The following RC3H2 variants were observed in gnomAD, a reference collection of about 807,000 sequenced individuals.
RC3H2 encodes the protein ring finger and CCCH-type domains 2, also known as roquin-2.
In RC3H2, 31 loss-of-function variants were observed where a neutral mutation model predicts 133.3. That is an observed-to-expected ratio of 0.23 (90% CI 0.17 to 0.31). The LOEUF is 0.31. Ranked by LOEUF, RC3H2 falls within the 10% of genes least tolerant of loss-of-function variation. RC3H2 has a pLI of 1.00. For missense variants in RC3H2, 1,175 were observed against 1,437.2 expected (o/e 0.82, Z 2.95); for synonymous variants, 517 against 502.2 (o/e 1.03, Z -0.40).
Position 122,857,899 on chromosome 9 carries a change from TTAAG to T in RC3H2, c.2454+20_2454+23del, listed in dbSNP as rs1314704798. 5.6e-6 allele frequency: 9 copies of T among 1,602,944 alleles called. No individual in the cohort carries two copies. The highest frequency in any genetic ancestry group is 7.7e-6 in the Non-Finnish European group (9 of 1,171,726). ...AGCTGTTTGACCTATCCCTGCAACA[TTAAG>T]TAATTAAAACCTTTCTTACATCCGC... On this transcript the variant is annotated intron_variant, in intron 13 of 20. Transcript: ENST00000357244.
intron 9 of RC3H2, among the ~76,000 whole-genome samples, chr9:122,867,035 A>G (rs192551929): frequency 2.7e-5 from 3 of 109,148 alleles, no homozygotes; most frequent in East Asian, 2.5e-4. Flanking sequence ...GGATGTGAGG[A>G]GCGCCTCTGC....
At chr9:122,857,243 T>C (rs1211716735) in intron 13 of RC3H2, among the ~76,000 whole-genome samples, 9 of 152,200 alleles carry the variant, frequency 5.9e-5, no homozygotes, top group African/African-American at 1.9e-4. Context: ...TCAGAACTTC[T>C]GGGGATGGGG....
intron 10 of RC3H2, 64 bp downstream of exon 10, chr9:122,865,282 TAAA>T: frequency 7.3e-7 from 1 of 1,372,918 alleles, no homozygotes; most frequent in East Asian, 2.3e-5. Context: ...TCAGCAGAAA[TAAA>T]AACACTCAGG....
In RC3H2 at chr9:122,869,031, A is replaced by G. The variant is rs868754231; in HGVS notation, c.1326-3374T>C. ...ATTCTTCTGCCTCAGCCTCCCAAGT[A>G]GCTGGGATTACAGGCACGTGCCTGC... On this transcript the variant is annotated intron_variant, in intron 9 of 20. Transcript: ENST00000357244. 2.6e-5 allele frequency among the ~76,000 whole-genome samples: 4 copies of G among 151,154 alleles called. No individual in the cohort carries two copies. In the Middle Eastern group the frequency reaches 0.01, roughly 391 times the overall value.
In RC3H2 at chr9:122,898,780, G is replaced by C. The variant is rs533904152; in HGVS notation, c.-67-1204C>G. ...AAAAAAAAAAAGTTCCATAAGTTTA[G>C]TAAAGTAAAAGATTTAGTAGCAAAA... On this transcript the variant is annotated intron_variant, in intron 1 of 20. Transcript: ENST00000357244. 3.4e-5 allele frequency among the ~76,000 whole-genome samples: 5 copies of C among 146,664 alleles called. No homozygotes were observed. In the East Asian group the frequency reaches 8.0e-4, roughly 24 times the overall value.
chr9:122,888,890 T>C (rs1443602510), intron 4 of RC3H2, among the ~76,000 whole-genome samples: 1 of 152,072 alleles, frequency 6.6e-6, no homozygotes, highest in Non-Finnish European at 1.5e-5. Flanking sequence ...TTTTCAGATG[T>C]TGCCAAATTC....
chr9:122,851,283 A>G, intron 19 of RC3H2, 40 bp downstream of exon 19: 1 of 1,612,092 alleles, frequency 6.2e-7, no homozygotes, highest in East Asian at 2.2e-5. Context: ...TAAATTTTCA[A>G]TCAAACAAAG....
chr9:122,887,767 T>TG (rs1346973465), intron 4 of RC3H2, among the ~76,000 whole-genome samples: 3 of 142,086 alleles, frequency 2.1e-5, no homozygotes, highest in Non-Finnish European at 3.0e-5. Flanking sequence ...TTTTTTGAGA[T>TG]GGAGTTTTGC....
At chr9:122,899,468 G>A (rs538242111) in intron 1 of RC3H2, among the ~76,000 whole-genome samples, 1 of 152,058 alleles carries the variant, frequency 6.6e-6, no homozygotes, top group East Asian at 1.9e-4. Context: ...TATGTAAAAA[G>A]CACCCCTATA....
Position 122,858,609 on chromosome 9 carries a change from G to A in RC3H2, c.2283+60C>T, listed in dbSNP as rs1252477549. 5 of 1,399,752 alleles carry A rather than the reference G, an allele frequency of 3.6e-6. No homozygotes were observed. The African/African-American group carries it at 5.7e-5, about 16-fold the overall frequency. 86.7% of individuals were successfully genotyped at this position (1,399,752 alleles called of 1,614,324 possible). ...TGGAGGAGCCAGGATATATACCTGG[G>A]TGGTTTGACTCCAGACACTGGGCTG... On this transcript the variant is annotated intron_variant, in intron 12 of 20. Transcript: ENST00000357244.
rs112010654 is a variant in RC3H2 at position 122,887,741 on chromosome 9, C to CTT, written c.583+2569_583+2570dup. ...TAAATCTTTGATTTTATACTTGTATCTTTTTTTTTTTTTTTTTTTTTGAGA... is the reference window on the plus strand; with the variant it reads ...TAAATCTTTGATTTTATACTTGTATCTTTTTTTTTTTTTTTTTTTTTTTGAGA... On this transcript the variant is annotated intron_variant, in intron 4 of 20. Coordinates refer to ENST00000357244, the MANE Select transcript of RC3H2 (RefSeq NM_001100588.3). Among the ~76,000 whole-genome samples, 190 of 118,024 alleles carry CTT rather than the reference C, an allele frequency of 1.6e-3. 2 individuals are homozygous for CTT. The highest frequency in any genetic ancestry group is 3.1e-3 in the African/African-American group (97 of 31,540). 77.4% of individuals were successfully genotyped at this position (118,024 alleles called of 152,430 possible).
chr9:122,866,175 C>T (rs1830643389), intron 9 of RC3H2, among the ~76,000 whole-genome samples: 1 of 152,000 alleles, frequency 6.6e-6, no homozygotes, highest in Non-Finnish European at 1.5e-5. Context: ...AAACATTACA[C>T]AAAAATAGAA....
chr9:122,852,064 C>G (rs1293792962), intron 18 of RC3H2, among the ~76,000 whole-genome samples: 6 of 151,916 alleles, frequency 3.9e-5, no homozygotes, highest in African/African-American at 1.4e-4. Context: ...GCGCCTCTTC[C>G]CGGCCGCCAT....
chr9:122,901,060 T>C (rs929429644), intron 1 of RC3H2, among the ~76,000 whole-genome samples: 1 of 152,236 alleles, frequency 6.6e-6, no homozygotes, highest in African/African-American at 2.4e-5. Flanking sequence ...TTTCTCTTAT[T>C]AGTCCACCAT....
intron 10 of RC3H2, among the ~76,000 whole-genome samples, 167 bp from the exon 11 acceptor site, chr9:122,860,298 C>T (rs1045321641): frequency 2.1e-4 from 32 of 152,004 alleles, no homozygotes; most frequent in African/African-American, 7.5e-4. Context: ...CCTTACACAG[C>T]TAATTCACGT....
chr9:122,857,967 G>C lies in RC3H2; in HGVS notation c.2410C>G (p.Pro804Ala). The C allele has an allele frequency of 6.2e-7, 1 of 1,614,176 alleles. No individual in the cohort carries two copies. Among genetic ancestry groups the C allele is most frequent in the African/African-American group, 1.3e-5 (1 of 75,072 alleles). The change falls in exon 13 of 21, where the codon CCA becomes GCA. Residue 804 changes from proline to alanine, a missense_variant. By Grantham distance (27) the Pro-to-Ala change is conservative. Coordinates refer to ENST00000357244, the MANE Select transcript of RC3H2 (RefSeq NM_001100588.3). ...SSTLPVATQS[P>A]TPPSPLFSVD... ...CTGAACAGAGGAGAAGGTGGTGTTG[G>C]TGACTGTGTTGCCACAGGAAGAGTT...
intron 9 of RC3H2, among the ~76,000 whole-genome samples, chr9:122,868,835 CTATATGTGTGTGTGTG>C (rs1216741445): frequency 1.5e-5 from 2 of 135,800 alleles, no homozygotes; most frequent in East Asian, 2.3e-4. Context: ...ATATTCCCTC[CTATATGTGTGTGTGTG>C]TGTGTGTGTG....
At chr9:122,854,711 C>A in intron 15 of RC3H2, 96 bp from the exon 16 acceptor site, 1 of 805,330 alleles carries the variant, frequency 1.2e-6, no homozygotes, top group South Asian at 1.4e-5. Flanking sequence ...TATTTTATCC[C>A]ACTAGCCATA....
intron 10 of RC3H2, among the ~76,000 whole-genome samples, chr9:122,864,788 T>A (rs572581550): frequency 1.0e-3 from 152 of 149,250 alleles, no homozygotes; most frequent in African/African-American, 3.6e-3. Flanking sequence ...GCCCGGCTAA[T>A]TTTTTTTTTG....
Sources: gnomAD v4.1 joint callset for allele counts (sites outside exome capture counted in the v4.1 genomes callset) on GRCh38, gnomAD v4.1.1 for gene constraint, MANE v1.5 for transcripts, NCBI Gene and HGNC (gene_info 2026-07-23, HGNC 2026-07-21) for gene names.